CSNK1G1: variants seen among roughly 807,000 people sequenced by gnomAD.
The protein encoded by CSNK1G1 is casein kinase I isoform gamma-1.
CSNK1G1 carries 22 observed loss-of-function variants against 59.6 expected under a neutral mutation model. The observed-to-expected ratio is 0.37, with a 90% CI of 0.26 to 0.53. The LOEUF is 0.53. Among genes scored for constraint, CSNK1G1 ranks in the 20% least tolerant of loss-of-function variants. CSNK1G1 has a pLI of 0.89. For missense variants in CSNK1G1, 384 were observed against 519.5 expected, an observed-to-expected ratio of 0.74 and a Z score of 2.54; for synonymous variants, 179 against 177.1, an observed-to-expected ratio of 1.01 and a Z score of -0.08.
intron 1 of CSNK1G1, chr15:64,342,402 TCTCA>T (rs1048936550): frequency 2.6e-5 from 4 of 152,224 alleles, no homozygotes; most frequent in African/African-American, 9.6e-5. Flanking sequence ...TATTATGTTT[TCTCA>T]CTAATACTTC....
rs777804929 is a variant in CSNK1G1, at chr15:64,188,924, G to A, written c.1108-8470C>T. On this transcript the variant is annotated intron_variant, in intron 10 of 11. Transcript: ENST00000303052. The surrounding 1 kb of genome is among the most constrained non-coding windows in gnomAD (Gnocchi z 4.2). ...GGGCGGATCACGAGGTCTGGAGTTCGAGACCAGCCTGACCAACATGGTGAA... is the reference window on the plus strand; with the variant it reads ...GGGCGGATCACGAGGTCTGGAGTTCAAGACCAGCCTGACCAACATGGTGAA... Among the ~76,000 whole-genome samples, 1 of 152,084 alleles carries A rather than the reference G, an allele frequency of 6.6e-6. No individual in the cohort carries two copies. The highest frequency in any genetic ancestry group is 2.4e-5 in the African/African-American group (1 of 41,416).
intron 2 of CSNK1G1, among the ~76,000 whole-genome samples, chr15:64,288,630 C>T (rs945313351): frequency 6.6e-6 from 1 of 151,200 alleles, no homozygotes; most frequent in African/African-American, 2.4e-5. Flanking sequence ...CCTAGTAACC[C>T]CAACATAGAA....
intron 10 of CSNK1G1, among the ~76,000 whole-genome samples, chr15:64,192,732 G>A (rs963863900): frequency 2.0e-5 from 3 of 149,798 alleles, no homozygotes; most frequent in Admixed American, 6.7e-5. Flanking sequence ...GGTGGCATAT[G>A]CCTATAGTCC....
At chr15:64,351,606 C>A (rs565736867) in intron 1 of CSNK1G1, among the ~76,000 whole-genome samples, 4 of 152,176 alleles carry the variant, frequency 2.6e-5, no homozygotes, top group African/African-American at 9.7e-5. Flanking sequence ...GGGCCAGGCA[C>A]GGTGGCTCAC....
Position 64,261,879 on chromosome 15 carries a change from T to C in CSNK1G1, c.182-2638A>G, listed in dbSNP as rs542259552. Reference sequence around the variant, plus strand: ...AATCGCTTGACCTGGGAGGCAGAGGTTGCAGTGAGCCGAGATCGCACCATT... The same window carrying C: ...AATCGCTTGACCTGGGAGGCAGAGGCTGCAGTGAGCCGAGATCGCACCATT... On this transcript the variant is annotated intron_variant, in intron 2 of 11. Coordinates refer to ENST00000303052, the MANE Select transcript of CSNK1G1 (RefSeq NM_022048.5). 1.8e-3 allele frequency among the ~76,000 whole-genome samples: 265 copies of C among 148,370 alleles called. 1 individual carries two copies. Among genetic ancestry groups the C allele is most frequent in the Non-Finnish European group, 3.0e-3 (206 of 67,640 alleles).
chr15:64,188,796 A>G lies in CSNK1G1; in HGVS notation c.1108-8342T>C, dbSNP rs1357818871. On this transcript the variant is annotated intron_variant, in intron 10 of 11. Coordinates refer to ENST00000303052, the MANE Select transcript of CSNK1G1 (RefSeq NM_022048.5). This position sits in a 1 kb window ranked among gnomAD's most constrained non-coding sequence, Gnocchi z 4.2. ...TGGGATCATCTTTTAGTTTCCATAG[A>G]GGTAAAATTTCAGTAGCCACTAAGC... 6.6e-6 allele frequency among the ~76,000 whole-genome samples: 1 copy of G among 152,210 alleles called. No homozygotes were observed. The highest frequency in any genetic ancestry group is 1.5e-5 in the Non-Finnish European group (1 of 68,032).
At chr15:64,325,791 A>C (rs992194049) in intron 1 of CSNK1G1, among the ~76,000 whole-genome samples, 2 of 152,196 alleles carry the variant, frequency 1.3e-5, no homozygotes, top group Admixed American at 1.3e-4. Context: ...TTTACATAAA[A>C]GAAAAGATTA....
At chr15:64,201,248 G>A (rs138294399) in intron 10 of CSNK1G1, among the ~76,000 whole-genome samples, 1 of 145,820 alleles carries the variant, frequency 6.9e-6, no homozygotes, top group Admixed American at 6.9e-5. Context: ...CTCTAGCCTG[G>A]GTGACAGAGC....
chr15:64,170,025 G>A lies in CSNK1G1; in HGVS notation c.*1906C>T, dbSNP rs182632589. The A allele has an allele frequency of 1.3e-5, 2 of 152,272 alleles. No individual in the cohort carries two copies. Among genetic ancestry groups the A allele is most frequent in the East Asian group, 3.9e-4 (2 of 5,180 alleles). 9.4% of individuals were successfully genotyped at this position (152,272 alleles called of 1,614,324 possible). A position where few individuals can be genotyped will look rare whatever the true frequency, so the allele number is the denominator to read the frequency against. On this transcript the variant is annotated 3_prime_UTR_variant, in exon 12 of 12. Transcript: ENST00000303052. ...CAAACCAGAGGTGAAGACTTCTATG[G>A]TCCACAAACCATCAGACTAAGTCAC...
At chr15:64,222,519 T>C (rs1266466280) in intron 4 of CSNK1G1, among the ~76,000 whole-genome samples, 1 of 151,692 alleles carries the variant, frequency 6.6e-6, no homozygotes, top group Non-Finnish European at 1.5e-5. Context: ...AGGATTTCCT[T>C]CTAGCTACCT....
At chr15:64,279,721 C>A (rs907769642) in intron 2 of CSNK1G1, among the ~76,000 whole-genome samples, 4 of 152,064 alleles carry the variant, frequency 2.6e-5, no homozygotes, top group African/African-American at 9.7e-5. Flanking sequence ...CGCCTGTAAT[C>A]CCAGGACTTT....
intron 4 of CSNK1G1, among the ~76,000 whole-genome samples, chr15:64,239,086 T>C (rs1431850885): frequency 6.6e-6 from 1 of 152,134 alleles, no homozygotes; most frequent in East Asian, 1.9e-4. Flanking sequence ...TAAACCTACC[T>C]GCACACAGAT....
chr15:64,204,025 CCTAG>C (rs966922135), intron 9 of CSNK1G1, among the ~76,000 whole-genome samples: 6 of 151,808 alleles, frequency 4.0e-5, no homozygotes, highest in Non-Finnish European at 7.4e-5. Flanking sequence ...TGCCTACAAT[CCTAG>C]CTACTTGGGA....
At position 64,281,071 on chromosome 15, in the gene CSNK1G1, T is replaced by A. The variant is rs368054172; in HGVS notation, c.181+19248A>T. On this transcript the variant is annotated intron_variant, in intron 2 of 11. Coordinates refer to ENST00000303052, the MANE Select transcript of CSNK1G1 (RefSeq NM_022048.5). ...ATTTTTTGTATTTTTAGTAGAGACG[T>A]GGTTTTACCGTGTTAGCTAGGATGG... Among the ~76,000 whole-genome samples the A allele has an allele frequency of 3.6e-4, 55 of 151,436 alleles. 1 individual carries two copies. Among genetic ancestry groups the A allele is most frequent in the African/African-American group, 1.2e-3 (49 of 41,270 alleles).
At chr15:64,286,781 A>T (rs1456342807) in intron 2 of CSNK1G1, among the ~76,000 whole-genome samples, 1 of 152,086 alleles carries the variant, frequency 6.6e-6, no homozygotes, top group African/African-American at 2.4e-5. Flanking sequence ...CTCCACTTTG[A>T]TTCTGCTCTA....
At chr15:64,306,208 C>T (rs1169494596) in intron 1 of CSNK1G1, among the ~76,000 whole-genome samples, 1 of 152,120 alleles carries the variant, frequency 6.6e-6, no homozygotes, top group African/African-American at 2.4e-5. Flanking sequence ...AAAAGATAAG[C>T]CACTGATTAG....
At position 64,169,069 on chromosome 15, in the gene CSNK1G1, A is replaced by T. The variant is rs2081635004; in HGVS notation, c.*2862T>A. 6.6e-6 allele frequency: 1 copy of T among 152,602 alleles called. No individual in the cohort carries two copies. Among genetic ancestry groups the T allele is most frequent in the Non-Finnish European group, 1.5e-5 (1 of 68,020 alleles). 9.5% of individuals were successfully genotyped at this position (152,602 alleles called of 1,614,324 possible). ...AGTAAAAATTTTAAGACAAAAAAAA[A>T]GTCGCAAATCCAGCTGCAAGGCAGC... On this transcript the variant is annotated 3_prime_UTR_variant, in exon 12 of 12. Coordinates refer to ENST00000303052, the MANE Select transcript of CSNK1G1 (RefSeq NM_022048.5).
chr15:64,351,508 C>T (rs575025016), intron 1 of CSNK1G1, among the ~76,000 whole-genome samples: 1 of 152,168 alleles, frequency 6.6e-6, no homozygotes, highest in Admixed American at 6.5e-5. Context: ...AATCTCTAAC[C>T]GTCTCTATTC....
intron 2 of CSNK1G1, among the ~76,000 whole-genome samples, chr15:64,298,901 T>C (rs1276963958): frequency 2.7e-5 from 4 of 149,010 alleles, no homozygotes; most frequent in Non-Finnish European, 4.4e-5. Flanking sequence ...AAGCTGGGCA[T>C]GGTGGCACAT....
Sources: allele counts gnomAD v4.1 joint callset (sites outside exome capture counted in the v4.1 genomes callset), GRCh38; gene constraint gnomAD v4.1.1; non-coding constraint Gnocchi (gnomAD v3.1); transcripts MANE v1.5; gene names NCBI Gene and HGNC (gene_info 2026-07-23, HGNC 2026-07-21).